The following ACTN2 variants were observed in gnomAD, a reference collection of about 807,000 sequenced individuals.
ACTN2 encodes the protein actinin alpha 2, also known as alpha-actinin-2.
ACTN2 carries 39 observed loss-of-function variants against 113.8 expected under a neutral mutation model. The ratio of observed to expected loss-of-function variants is 0.34; its 90% CI spans 0.27 to 0.45. The LOEUF (loss-of-function observed/expected upper bound fraction) is 0.45, where lower values mean the gene tolerates loss of function less well. ACTN2 is among the 20% of genes least tolerant of loss of function. The pLI, the probability that ACTN2 is intolerant of heterozygous loss-of-function variation, is 1.00. For synonymous variants in ACTN2, 429 were observed against 444.1 expected, an observed-to-expected ratio of 0.97 and a Z score of 0.43; for missense variants, 992 against 1,177.9, an observed-to-expected ratio of 0.84 and a Z score of 2.31.
chr1:236,715,565 C>A (rs1367699015), intron 1 of ACTN2, among the ~76,000 whole-genome samples: 1 of 151,990 alleles, frequency 6.6e-6, no homozygotes, highest in Non-Finnish European at 1.5e-5. Context: ...ACTTGTGCAA[C>A]TGAGGAGCTA....
At chr1:236,702,458 G>T (rs1657706542) in intron 1 of ACTN2, among the ~76,000 whole-genome samples, 1 of 152,132 alleles carries the variant, frequency 6.6e-6, no homozygotes, top group Non-Finnish European at 1.5e-5. Flanking sequence ...TATTAAAAAA[G>T]TCACAACCTG....
Position 236,754,954 on chromosome 1 carries a change from G to A in ACTN2, c.1975-65G>A. ...TGCAGGGTCTGGAACGGCGCCTCGTGCCGAGCTCCCTTAGAGGGCACTTCA... is the reference window on the plus strand; with the variant it reads ...TGCAGGGTCTGGAACGGCGCCTCGTACCGAGCTCCCTTAGAGGGCACTTCA... On this transcript the variant is annotated intron_variant, in intron 16 of 20. Coordinates refer to ENST00000366578, the MANE Select transcript of ACTN2 (RefSeq NM_001103.4). This position sits in a 1 kb window ranked among gnomAD's most constrained non-coding sequence, Gnocchi z 4.9. 1.9e-6 allele frequency: 3 copies of A among 1,603,234 alleles called. No homozygotes were observed. The highest frequency in any genetic ancestry group is 8.5e-7 in the Non-Finnish European group (1 of 1,171,094).
rs1278859428 is a variant in ACTN2, at chr1:236,753,927, T to C, written c.1840-20T>C. On this transcript the variant is annotated intron_variant, in intron 15 of 20. Coordinates refer to ENST00000366578, the MANE Select transcript of ACTN2 (RefSeq NM_001103.4). ...GACCACAGCTGGCCTCTAACCCTTG[T>C]TGTCCTTGGGCCCTGACAGGTGAAG... 1 of 1,595,822 alleles carries C rather than the reference T, an allele frequency of 6.3e-7. No individual in the cohort carries two copies. The highest frequency in any genetic ancestry group is 2.3e-5 in the East Asian group (1 of 43,542).
At chr1:236,739,592 G>A (rs1271631335) in intron 10 of ACTN2, 60 bp downstream of exon 10, 2 of 1,581,188 alleles carry the variant, frequency 1.3e-6, no homozygotes, top group Non-Finnish European at 1.7e-6. Flanking sequence ...TAGCCTAAAG[G>A]CGTTTGACCT....
chr1:236,745,688 G>A (rs1659212547), intron 12 of ACTN2, among the ~76,000 whole-genome samples: 1 of 152,120 alleles, frequency 6.6e-6, no homozygotes, highest in South Asian at 2.1e-4. Context: ...GAGCCTCCAT[G>A]CCGTGTTTCT....
At position 236,754,991 on chromosome 1, in the gene ACTN2, TC is replaced by T. The variant is rs1659509404; in HGVS notation, c.1975-27del. ...TAGAGGGCACTTCACTCTGCTTCTCTCTCTGCTTGCTCACTCGCCCCCCTCA... is the reference window on the plus strand; with the variant it reads ...TAGAGGGCACTTCACTCTGCTTCTCTTCTGCTTGCTCACTCGCCCCCCTCA... On this transcript the variant is annotated intron_variant, in intron 16 of 20. Coordinates refer to ENST00000366578, the MANE Select transcript of ACTN2 (RefSeq NM_001103.4). This position sits in a 1 kb window ranked among gnomAD's most constrained non-coding sequence, Gnocchi z 4.9. The T allele has an allele frequency of 1.9e-6, 3 of 1,614,074 alleles. No individual in the cohort carries two copies. The highest frequency in any genetic ancestry group is 2.5e-6 in the Non-Finnish European group (3 of 1,180,022).
chr1:236,723,900 A>G (rs989642061), intron 4 of ACTN2, among the ~76,000 whole-genome samples: 1 of 152,200 alleles, frequency 6.6e-6, no homozygotes, highest in Non-Finnish European at 1.5e-5. Context: ...ACATTTAAAT[A>G]TAGGCGGAAT....
chr1:236,712,235 G>A (rs148770645), intron 1 of ACTN2, among the ~76,000 whole-genome samples: 154 of 152,276 alleles, frequency 1.0e-3, no homozygotes, highest in African/African-American at 3.3e-3. Context: ...TAGGGGATGC[G>A]TAGGAACAGT....
intron 4 of ACTN2, 27 bp downstream of exon 4, chr1:236,720,218 T>G: frequency 2.0e-6 from 3 of 1,518,162 alleles, no homozygotes; most frequent in Non-Finnish European, 2.7e-6. Flanking sequence ...AAAGTCTAAT[T>G]GTATAATCTG....
rs74259944 is a variant in ACTN2 at position 236,716,099 on chromosome 1, C to CT, written c.127-1742dup. 4.7e-3 allele frequency among the ~76,000 whole-genome samples: 552 copies of CT among 118,118 alleles called. 6 individuals are homozygous for CT. The highest frequency in any genetic ancestry group is 0.017 in the East Asian group (71 of 4,218). The allele number at this position is 118,118 out of a possible 152,430, so 77.5% of individuals were successfully genotyped here. A position where few individuals can be genotyped will look rare whatever the true frequency, so the allele number is the denominator to read the frequency against. ...TAAATCCAAAAAATCCCTTCTTCTT[C>CT]TTTTTTTTTTTTTTTTTGGTCCTTG... On this transcript the variant is annotated intron_variant, in intron 1 of 20. Transcript: ENST00000366578.
chr1:236,688,500 G>C (rs1218836270), intron 1 of ACTN2, among the ~76,000 whole-genome samples: 2 of 151,928 alleles, frequency 1.3e-5, no homozygotes, highest in Non-Finnish European at 2.9e-5. Context: ...TGGATATATG[G>C]CTTCGAATTC....
rs577367958 is a variant in ACTN2, at chr1:236,754,722, G to A, written c.1975-297G>A. 1.4e-4 allele frequency among the ~76,000 whole-genome samples: 22 copies of A among 152,324 alleles called. No homozygotes were observed. Among genetic ancestry groups the A allele is most frequent in the African/African-American group, 4.1e-4 (17 of 41,572 alleles). On this transcript the variant is annotated intron_variant, in intron 16 of 20. Coordinates refer to ENST00000366578, the MANE Select transcript of ACTN2 (RefSeq NM_001103.4). The surrounding 1 kb of genome is among the most constrained non-coding windows in gnomAD (Gnocchi z 4.9). ...GAGCAGGGTAGCTCTGCCCGAGGGC[G>A]TTTCCTTCCCACAGCAAGAAGCTGA... is the stretch of plus-strand genomic sequence containing the variant.
At chr1:236,736,340 C>A (rs138434895) in intron 8 of ACTN2, among the ~76,000 whole-genome samples, 2 of 152,176 alleles carry the variant, frequency 1.3e-5, no homozygotes, top group South Asian at 2.1e-4. Flanking sequence ...TTTCAGTGAC[C>A]GCTGTGAAGC....
rs1230477239 is a variant in ACTN2, at chr1:236,754,970, G to C, written c.1975-49G>C. On this transcript the variant is annotated intron_variant, in intron 16 of 20. Transcript: ENST00000366578. The surrounding 1 kb of genome is among the most constrained non-coding windows in gnomAD (Gnocchi z 4.9). ...GCGCCTCGTGCCGAGCTCCCTTAGAGGGCACTTCACTCTGCTTCTCTCTCT... is the reference window on the plus strand; with the variant it reads ...GCGCCTCGTGCCGAGCTCCCTTAGACGGCACTTCACTCTGCTTCTCTCTCT... 1 of 1,612,326 alleles carries C rather than the reference G, an allele frequency of 6.2e-7. No individual in the cohort carries two copies. Among genetic ancestry groups the C allele is most frequent in the Non-Finnish European group, 8.5e-7 (1 of 1,178,800 alleles).
At chr1:236,710,931 C>A (rs945509476) in intron 1 of ACTN2, among the ~76,000 whole-genome samples, 1 of 152,076 alleles carries the variant, frequency 6.6e-6, no homozygotes, top group South Asian at 2.1e-4. Context: ...TCCACGAAAC[C>A]GGTCCCTGGT....
intron 7 of ACTN2, among the ~76,000 whole-genome samples, chr1:236,732,568 G>C (rs1293435845): frequency 6.6e-6 from 1 of 151,910 alleles, no homozygotes; most frequent in Non-Finnish European, 1.5e-5. Flanking sequence ...TCAGCCTCCT[G>C]AGTAGCTGGG....
intron 13 of ACTN2, among the ~76,000 whole-genome samples, chr1:236,748,385 G>A (rs1659298751): frequency 6.6e-6 from 1 of 152,076 alleles, no homozygotes; most frequent in Non-Finnish European, 1.5e-5. Flanking sequence ...ATGCCAAATG[G>A]CTGTGACATA....
chr1:236,701,159 C>T (rs3905125), intron 1 of ACTN2, among the ~76,000 whole-genome samples: 61,728 of 151,982 alleles, frequency 0.41, 15,154 homozygotes, highest in Non-Finnish European at 0.55. Flanking sequence ...CAGAAGTGGC[C>T]CAGTTTAGAC....
In ACTN2 at chr1:236,762,943, T is replaced by A; in HGVS notation, c.*324T>A. ...GGAGGATCTAGGGACAGAAGGAAAGTGAAAAATGTGAAAATACAAAATACC... is the reference window on the plus strand; with the variant it reads ...GGAGGATCTAGGGACAGAAGGAAAGAGAAAAATGTGAAAATACAAAATACC... On this transcript the variant is annotated 3_prime_UTR_variant, in exon 21 of 21. Transcript: ENST00000366578. 3.0e-6 allele frequency: 1 copy of A among 337,976 alleles called. No individual in the cohort carries two copies. Among genetic ancestry groups the A allele is most frequent in the South Asian group, 2.7e-5 (1 of 37,530 alleles). The allele number at this position is 337,976 out of a possible 1,614,324, so 20.9% of individuals were successfully genotyped here.
Sources: gnomAD v4.1 joint callset for allele counts (sites outside exome capture counted in the v4.1 genomes callset) on GRCh38, gnomAD v4.1.1 for gene constraint, Gnocchi (gnomAD v3.1) non-coding constraint, MANE v1.5 for transcripts, NCBI Gene and HGNC (gene_info 2026-07-23, HGNC 2026-07-21) for gene names.